TTLL11: variants seen among roughly 807,000 people sequenced by gnomAD.
TTLL11 encodes the protein tubulin polyglutamylase TTLL11.
A neutral mutation model predicts 51.7 loss-of-function variants in TTLL11; 42 were observed. That is an observed-to-expected ratio of 0.81 (90% confidence interval 0.64 to 1.05). TTLL11 has a LOEUF of 1.05. Among genes scored for constraint, TTLL11 ranks in the 50% least tolerant of loss-of-function variants. The probability of loss-of-function intolerance (pLI) is 0.00; values close to 1 mark genes in which losing one functional copy is unlikely to be tolerated. For missense variants in TTLL11, 799 were observed against 940.4 expected (o/e 0.85, Z 1.97); for synonymous variants, 381 against 383.5 (o/e 0.99, Z 0.08).
chr9:122,069,128 A>G lies in TTLL11; in HGVS notation c.462+23559T>C, dbSNP rs377681216. ...AAGTGAATACACACAGTGAACAAAG[A>G]AAACAAGAGACCAAGAAATGCAAAA... On this transcript the variant is annotated intron_variant, in intron 1 of 8. Coordinates refer to ENST00000321582, the MANE Select transcript of TTLL11 (RefSeq NM_001139442.2). Among the ~76,000 whole-genome samples, 60 of 152,340 alleles carry G rather than the reference A, an allele frequency of 3.9e-4. 1 individual carries two copies. The East Asian group carries it at 4.6e-3, about 12-fold the overall frequency.
intron 6 of TTLL11, among the ~76,000 whole-genome samples, chr9:121,937,397 A>G (rs568261717): frequency 2.9e-4 from 44 of 152,362 alleles, no homozygotes; most frequent in African/African-American, 1.0e-3. Context: ...GCTTACAGTG[A>G]CATAGTTAAT....
rs1198159790 is a variant in TTLL11, at chr9:121,944,236, G to A, written c.1481+29773C>T. Among the ~76,000 whole-genome samples, 4 of 152,280 alleles carry A rather than the reference G, an allele frequency of 2.6e-5. No individual in the cohort carries two copies. In the East Asian group the frequency reaches 5.8e-4, roughly 22 times the overall value. On this transcript the variant is annotated intron_variant, in intron 6 of 8. Coordinates refer to ENST00000321582, the MANE Select transcript of TTLL11 (RefSeq NM_001139442.2). ...AAATATTGAGTTCCGGGCCTGGTGC[G>A]GTGGCTCACGCCTGTAATCTCAGCA...
intron 6 of TTLL11, among the ~76,000 whole-genome samples, chr9:121,915,020 C>T (rs1230373066): frequency 6.6e-6 from 1 of 152,136 alleles, no homozygotes; most frequent in Non-Finnish European, 1.5e-5. Flanking sequence ...GGAACATATG[C>T]CATTTCATCT....
intron 6 of TTLL11, among the ~76,000 whole-genome samples, chr9:121,918,517 G>T (rs1314952580): frequency 6.6e-6 from 1 of 152,184 alleles, no homozygotes; most frequent in Non-Finnish European, 1.5e-5. Context: ...TTAAGGACAA[G>T]GTAGGGGCTG....
At chr9:121,898,256 C>G (rs12335622) in intron 6 of TTLL11, among the ~76,000 whole-genome samples, 3 of 152,192 alleles carry the variant, frequency 2.0e-5, no homozygotes, top group Non-Finnish European at 2.9e-5. Context: ...ACCCCCACCC[C>G]CACAGAGAGA....
Position 122,073,059 on chromosome 9 carries a change from T to A in TTLL11, c.462+19628A>T, listed in dbSNP as rs557071056. Among the ~76,000 whole-genome samples, 16 of 152,312 alleles carry A rather than the reference T, an allele frequency of 1.1e-4. 1 individual carries two copies. In the South Asian group the frequency reaches 3.1e-3, roughly 30 times the overall value. On this transcript the variant is annotated intron_variant, in intron 1 of 8. Transcript: ENST00000321582. ...TATCAGGCATTGTGCAGTATGAGGA[T>A]CCAATAATAACAATAATGAACAAGA...
chr9:122,047,248 A>T (rs1488488392), intron 1 of TTLL11, among the ~76,000 whole-genome samples: 1 of 152,228 alleles, frequency 6.6e-6, no homozygotes, highest in East Asian at 1.9e-4. Flanking sequence ...TGGGCAATAA[A>T]TAAAATGGTC....
intron 1 of TTLL11, among the ~76,000 whole-genome samples, chr9:122,087,718 T>A (rs1846163368): frequency 6.6e-6 from 1 of 152,102 alleles, no homozygotes; most frequent in Admixed American, 6.5e-5. Flanking sequence ...TCCTCTAAGG[T>A]GTTTTTTCAT....
At chr9:121,948,070 T>A (rs577803362) in intron 6 of TTLL11, among the ~76,000 whole-genome samples, 6 of 152,354 alleles carry the variant, frequency 3.9e-5, no homozygotes, top group Admixed American at 1.3e-4. Context: ...ACTGAATAAC[T>A]ATTACATGTC....
intron 6 of TTLL11, among the ~76,000 whole-genome samples, chr9:121,906,463 CTT>C (rs1161002925): frequency 6.6e-6 from 1 of 152,188 alleles, no homozygotes; most frequent in African/African-American, 2.4e-5. Context: ...TTGTCTTTGT[CTT>C]TATCCCATCA....
chr9:121,855,639 C>T (rs1043099797), intron 8 of TTLL11, among the ~76,000 whole-genome samples: 3 of 152,114 alleles, frequency 2.0e-5, no homozygotes, highest in African/African-American at 4.8e-5. Flanking sequence ...TCCAAATGGG[C>T]GTTCAGAGGA....
intron 3 of TTLL11, among the ~76,000 whole-genome samples, chr9:121,999,808 T>C (rs1324736178): frequency 6.6e-6 from 1 of 152,148 alleles, no homozygotes; most frequent in Admixed American, 6.5e-5. Flanking sequence ...CCAGCCCCCA[T>C]CACAGGCAAG....
At chr9:121,921,205 T>C (rs145603199) in intron 6 of TTLL11, among the ~76,000 whole-genome samples, 208 of 152,302 alleles carry the variant, frequency 1.4e-3, no homozygotes, top group African/African-American at 4.7e-3. Context: ...CTTCAGGGAA[T>C]TGAGTCTAAT....
intron 3 of TTLL11, among the ~76,000 whole-genome samples, chr9:122,030,202 T>TTG (rs1554785377): frequency 1.3e-5 from 1 of 78,486 alleles, no homozygotes; most frequent in African/African-American, 4.1e-5. Context: ...AGAGAGACAT[T>TTG]GGGGGGGGGG....
chr9:122,089,153 A>G (rs1241085280), intron 1 of TTLL11, among the ~76,000 whole-genome samples: 2 of 152,112 alleles, frequency 1.3e-5, no homozygotes, highest in Non-Finnish European at 2.9e-5. Flanking sequence ...CTATGCACCC[A>G]TAAAAGGAGA....
chr9:122,001,828 A>C (rs1311144888), intron 3 of TTLL11, among the ~76,000 whole-genome samples: 1 of 152,206 alleles, frequency 6.6e-6, no homozygotes, highest in Admixed American at 6.5e-5. Flanking sequence ...TTACACCATG[A>C]GAGTGAGAAC....
chr9:121,975,067 C>T, intron 4 of TTLL11, 88 bp from the exon 5 acceptor site: 1 of 1,021,070 alleles, frequency 9.8e-7, no homozygotes, highest in Non-Finnish European at 1.4e-6. Context: ...CAAACTCAGT[C>T]CCCAACCTTG....
chr9:121,974,226 C>T, intron 5 of TTLL11, 102 bp from the exon 6 acceptor site: 1 of 706,964 alleles, frequency 1.4e-6, no homozygotes, highest in South Asian at 2.6e-5. Flanking sequence ...TTTGCTTATG[C>T]TAATCTATAG....
intron 3 of TTLL11, among the ~76,000 whole-genome samples, chr9:122,006,452 C>A (rs1019988837): frequency 1.3e-5 from 2 of 150,590 alleles, no homozygotes; most frequent in South Asian, 4.2e-4. Context: ...AATGATATTG[C>A]GGACCATGGT....
Sources: gnomAD v4.1 joint callset for allele counts (sites outside exome capture counted in the v4.1 genomes callset) on GRCh38, gnomAD v4.1.1 for gene constraint, MANE v1.5 for transcripts, NCBI Gene and HGNC (gene_info 2026-07-23, HGNC 2026-07-21) for gene names.